ARHGAP42: variants seen among roughly 807,000 people sequenced by gnomAD.
The protein encoded by ARHGAP42 is rho GTPase-activating protein 42.
ARHGAP42 carries 63 observed loss-of-function variants against 125.0 expected under a neutral mutation model. That is an observed-to-expected ratio of 0.50 (90% CI 0.41 to 0.62). ARHGAP42 has a LOEUF of 0.62. ARHGAP42 is among the 20% of genes least tolerant of loss of function. The probability of loss-of-function intolerance (pLI) is 0.00; values close to 1 mark genes in which losing one functional copy is unlikely to be tolerated. For missense variants in ARHGAP42, 766 were observed against 1,024.2 expected, an observed-to-expected ratio of 0.75 and a Z score of 3.44; for synonymous variants, 339 against 351.0, an observed-to-expected ratio of 0.97 and a Z score of 0.38.
At position 100,993,870 on chromosome 11, in the gene ARHGAP42, A is replaced by G; in HGVS notation, c.*5069A>G. The G allele has an allele frequency of 6.0e-6, 1 of 167,220 alleles. No individual in the cohort carries two copies. The allele number at this position is 167,220 out of a possible 1,614,324, so 10.4% of individuals were successfully genotyped here. ...ATGTTTATTCCTAATCTAAATTGCC[A>G]CAATATTTTTAATGTATGGTTACAC... On this transcript the variant is annotated 3_prime_UTR_variant, in exon 24 of 24. Coordinates refer to ENST00000298815, the MANE Select transcript of ARHGAP42 (RefSeq NM_152432.4).
chr11:100,913,468 T>C lies in ARHGAP42; in HGVS notation c.401T>C (p.Phe134Ser). 3 of 1,286,686 alleles carry C rather than the reference T, an allele frequency of 2.3e-6. No individual in the cohort carries two copies. The highest frequency in any genetic ancestry group is 3.1e-6 in the Non-Finnish European group (3 of 982,964). 79.7% of individuals were successfully genotyped at this position (1,286,686 alleles called of 1,614,324 possible). The change falls in exon 5 of 24, where the codon TTT becomes TCT. Residue 134 changes from phenylalanine to serine, a missense_variant. Transcript: ENST00000298815. The stretch of plus-strand genomic sequence containing the variant: ...CTCCTTTAGGATGGAAAGAAGAAGT[T>C]TGACAAAGAGAGTGAAAAATATTAC... ...IGAAKDGKKK[F>S]DKESEKYYSI...
chr11:100,805,786 T>G (rs761910789), intron 3 of ARHGAP42, among the ~76,000 whole-genome samples: 1 of 152,220 alleles, frequency 6.6e-6, no homozygotes, highest in Non-Finnish European at 1.5e-5. Context: ...ACTGTCATGG[T>G]GCTGGTGGGA....
rs758108330 is a variant in ARHGAP42, at chr11:100,992,655, T to C, written c.*3854T>C. The C allele has an allele frequency of 6.2e-7, 1 of 1,610,530 alleles. No homozygotes were observed. The highest frequency in any genetic ancestry group is 2.2e-5 in the East Asian group (1 of 44,844). On this transcript the variant is annotated 3_prime_UTR_variant, in exon 24 of 24. Transcript: ENST00000298815. ...ATCCCCCTGCTTCAAAATGTGCCAG[T>C]TCCACTTGGTAATAACGTTGGGAAA...
At chr11:100,961,055 T>A (rs925366552) in intron 14 of ARHGAP42, 66 bp downstream of exon 14, 13 of 1,060,552 alleles carry the variant, frequency 1.2e-5, no homozygotes, top group Middle Eastern at 6.1e-4. Flanking sequence ...AGTATGGACT[T>A]CTTTGACTAG....
At chr11:100,948,329 T>C (rs1392178814) in intron 10 of ARHGAP42, 128 bp from the exon 11 acceptor site, 6 of 689,348 alleles carry the variant, frequency 8.7e-6, no homozygotes, top group Non-Finnish European at 1.2e-5. Flanking sequence ...AAAATTCCTA[T>C]GTTTTTCTCC....
At chr11:100,847,162 A>G (rs1283831936) in intron 3 of ARHGAP42, among the ~76,000 whole-genome samples, 1 of 152,092 alleles carries the variant, frequency 6.6e-6, no homozygotes, top group African/African-American at 2.4e-5. Flanking sequence ...TTTTTATTTA[A>G]CCCAAGGCAA....
intron 4 of ARHGAP42, among the ~76,000 whole-genome samples, chr11:100,861,365 A>G (rs117947203): frequency 0.011 from 1,739 of 152,268 alleles, 16 homozygotes; most frequent in Non-Finnish European, 0.019. Flanking sequence ...GACTCACAGT[A>G]TTTTACTCCC....
At chr11:100,939,590 C>T (rs1049986982) in intron 8 of ARHGAP42, among the ~76,000 whole-genome samples, 2 of 152,054 alleles carry the variant, frequency 1.3e-5, no homozygotes, top group Non-Finnish European at 2.9e-5. Flanking sequence ...AGTAGGTATT[C>T]GATGAATGTT....
chr11:100,940,275 T>C (rs565097396), intron 8 of ARHGAP42, among the ~76,000 whole-genome samples: 1 of 152,338 alleles, frequency 6.6e-6, no homozygotes, highest in Admixed American at 6.5e-5. Flanking sequence ...TCAATTTCTT[T>C]CTTTTAAACA....
chr11:100,749,580 T>G (rs1423188410), intron 1 of ARHGAP42, among the ~76,000 whole-genome samples: 1 of 152,122 alleles, frequency 6.6e-6, no homozygotes, highest in East Asian at 1.9e-4. Context: ...CCTCTGAAGG[T>G]CCCTTGCACA....
chr11:100,872,791 C>T, intron 4 of ARHGAP42, among the ~76,000 whole-genome samples: 1 of 152,268 alleles, frequency 6.6e-6, no homozygotes, highest in Non-Finnish European at 1.5e-5. Flanking sequence ...CATCATCTGT[C>T]TCATGTTGTC....
intron 6 of ARHGAP42, among the ~76,000 whole-genome samples, chr11:100,931,879 T>C (rs1867591703): frequency 6.6e-6 from 1 of 152,176 alleles, no homozygotes; most frequent in South Asian, 2.1e-4. Context: ...TATAGCATCA[T>C]TTTAAGATAA....
chr11:100,836,862 A>G (rs201603233), intron 3 of ARHGAP42, among the ~76,000 whole-genome samples: 2 of 151,550 alleles, frequency 1.3e-5, no homozygotes, highest in East Asian at 1.9e-4. Flanking sequence ...TTTACAACCA[A>G]TTTTGAATGT....
intron 4 of ARHGAP42, among the ~76,000 whole-genome samples, chr11:100,871,867 C>G (rs1263260502): frequency 6.6e-6 from 1 of 152,182 alleles, no homozygotes; most frequent in Non-Finnish European, 1.5e-5. Flanking sequence ...CTTCAGCCGC[C>G]TGAGTAGCTG....
chr11:100,753,210 G>A (rs1275590870), intron 1 of ARHGAP42, among the ~76,000 whole-genome samples: 2 of 152,146 alleles, frequency 1.3e-5, no homozygotes, highest in Non-Finnish European at 2.9e-5. Flanking sequence ...CCAGGAAGGA[G>A]TGTAGCTTCT....
intron 2 of ARHGAP42, among the ~76,000 whole-genome samples, chr11:100,779,712 A>G (rs1041109095): frequency 6.6e-6 from 1 of 151,426 alleles, no homozygotes; most frequent in Non-Finnish European, 1.5e-5. Context: ...TAATTTTTAC[A>G]TGTACTTTAG....
rs1381413308 is a variant in ARHGAP42 at position 100,687,384 on chromosome 11, G to A, written c.-295G>A. The stretch of plus-strand genomic sequence containing the variant: ...TTTCCTGCTCCGGCCGCGGCCCGGA[G>A]CCTCGCCGCCCCCGCGTTCCGAACG... On this transcript the variant is annotated 5_prime_UTR_variant, in exon 1 of 24. Transcript: ENST00000298815. Among the ~76,000 whole-genome samples, 2 of 152,158 alleles carry A rather than the reference G, an allele frequency of 1.3e-5. No homozygotes were observed. The highest frequency in any genetic ancestry group is 3.9e-4 in the East Asian group (2 of 5,136).
chr11:100,860,220 T>C (rs1270294638), intron 4 of ARHGAP42, among the ~76,000 whole-genome samples: 1 of 152,086 alleles, frequency 6.6e-6, no homozygotes, highest in Non-Finnish European at 1.5e-5. Context: ...TCATCTCCCA[T>C]CCTTCCCTCA....
chr11:100,911,406 A>T (rs1866913394), intron 4 of ARHGAP42, among the ~76,000 whole-genome samples: 1 of 152,198 alleles, frequency 6.6e-6, no homozygotes. Context: ...CTATATGAGC[A>T]TTCAAAAAGG....
Sources: allele counts gnomAD v4.1 joint callset (sites outside exome capture counted in the v4.1 genomes callset), GRCh38; gene constraint gnomAD v4.1.1; transcripts MANE v1.5; gene names NCBI Gene and HGNC (gene_info 2026-07-23, HGNC 2026-07-21).